TIMMDC1: variants seen among roughly 807,000 people sequenced by gnomAD.
TIMMDC1 encodes the protein translocase of inner mitochondrial membrane domain containing 1, also known as complex I assembly factor TIMMDC1, mitochondrial.
Under a neutral mutation model 32.6 loss-of-function variants are expected in TIMMDC1, and 25 were observed. The observed-to-expected ratio is 0.77, with a 90% CI of 0.56 to 1.07. The LOEUF is 1.07. Among genes scored for constraint, TIMMDC1 ranks in the 50% least tolerant of loss-of-function variants. The pLI, the probability that TIMMDC1 is intolerant of heterozygous loss-of-function variation, is 0.00. For synonymous variants in TIMMDC1, 130 were observed against 127.6 expected, an observed-to-expected ratio of 1.02 and a Z score of -0.13; for missense variants, 329 against 349.2, an observed-to-expected ratio of 0.94 and a Z score of 0.46.
rs1403485562 is a variant in TIMMDC1 at position 119,513,549 on chromosome 3, A to C, written c.518-92A>C. 3.3e-6 allele frequency: 3 copies of C among 921,160 alleles called. No homozygotes were observed. In the East Asian group the frequency reaches 7.7e-5, roughly 24 times the overall value. 57.1% of individuals were successfully genotyped at this position (921,160 alleles called of 1,614,324 possible). A position where few individuals can be genotyped will look rare whatever the true frequency, so the allele number is the denominator to read the frequency against. ...TATTAACATTGGATTCAGAAAGCTC[A>C]CTTAGGGATTTCCTTTTTGTAGAAG... On this transcript the variant is annotated intron_variant, in intron 4 of 6. Transcript: ENST00000494664.
chr3:119,498,978 C>T lies in TIMMDC1; in HGVS notation c.194+51C>T. 3 of 1,574,754 alleles carry T rather than the reference C, an allele frequency of 1.9e-6. 1 individual carries two copies. Among genetic ancestry groups the T allele is most frequent in the Non-Finnish European group, 2.6e-6 (3 of 1,151,856 alleles). Reference sequence around the variant, plus strand: ...GGGTAGGGGGCCGCGAAAGCGGTGTCCTGCAGCGTGGGCAGCCTGGGTCAG... The same window carrying T: ...GGGTAGGGGGCCGCGAAAGCGGTGTTCTGCAGCGTGGGCAGCCTGGGTCAG... On this transcript the variant is annotated intron_variant, in intron 1 of 6. Transcript: ENST00000494664.
chr3:119,517,679 C>T (rs1215672322), intron 6 of TIMMDC1, among the ~76,000 whole-genome samples: 1 of 152,176 alleles, frequency 6.6e-6, no homozygotes, highest in Admixed American at 6.5e-5. Flanking sequence ...TAAAAAGTGA[C>T]ATCCTTAGCC....
rs1271449034 is a variant in TIMMDC1 at position 119,500,748 on chromosome 3, C to T, written c.248C>T (p.Thr83Ile). 5 of 1,614,016 alleles carry T rather than the reference C, an allele frequency of 3.1e-6. No homozygotes were observed. The highest frequency in any genetic ancestry group is 2.7e-5 in the African/African-American group (2 of 74,916). Residue 83 changes from threonine to isoleucine, a missense_variant, in exon 2 of 7, where the codon ACA becomes ATA. Thr to Ile is a moderately conservative substitution (Grantham distance 89). Transcript: ENST00000494664. ...DLANICKTAATAGIIGWVYGG... is the reference protein window; with the variant it reads ...DLANICKTAAIAGIIGWVYGG... ...GCTAATATCTGTAAGACGGCAGCTA[C>T]AGCAGGCATCATTGGCTGGGTGTAT...
intron 2 of TIMMDC1, among the ~76,000 whole-genome samples, chr3:119,502,967 T>C (rs936535228): frequency 3.9e-5 from 6 of 152,244 alleles, no homozygotes; most frequent in Non-Finnish European, 5.9e-5. Context: ...GTTAGTATTA[T>C]GCTCTAAGGA....
At chr3:119,508,085 A>G (rs1294500656) in intron 4 of TIMMDC1, among the ~76,000 whole-genome samples, 2 of 152,186 alleles carry the variant, frequency 1.3e-5, no homozygotes, top group Non-Finnish European at 1.5e-5. Flanking sequence ...TAGTGAGAAT[A>G]ACGGAATGTT....
Position 119,498,698 on chromosome 3 carries a change from G to C in TIMMDC1, c.-36G>C. ...CACGTCCGCGAGGACTTGAAGTCCT[G>C]AGCGCTCAAGTTTGTCCGTAGGTCG... On this transcript the variant is annotated 5_prime_UTR_variant, in exon 1 of 7. Coordinates refer to ENST00000494664, the MANE Select transcript of TIMMDC1 (RefSeq NM_016589.4). 6.2e-7 allele frequency: 1 copy of C among 1,605,058 alleles called. No homozygotes were observed. The highest frequency in any genetic ancestry group is 1.1e-5 in the South Asian group (1 of 90,630).
In TIMMDC1 at chr3:119,500,577, C is replaced by G. The variant is rs1383884891; in HGVS notation, c.195-118C>G. On this transcript the variant is annotated intron_variant, in intron 1 of 6. Coordinates refer to ENST00000494664, the MANE Select transcript of TIMMDC1 (RefSeq NM_016589.4). The stretch of plus-strand genomic sequence containing the variant: ...GAACTGTTTAATTCATCTGAGAATT[C>G]TACCTATGATGAAAAATGTTGTGGT... 5.8e-6 allele frequency: 5 copies of G among 869,514 alleles called. No individual in the cohort carries two copies. In the African/African-American group the frequency reaches 6.9e-5, roughly 12 times the overall value. The allele number at this position is 869,514 out of a possible 1,614,324, so 53.9% of individuals were successfully genotyped here. A position where few individuals can be genotyped will look rare whatever the true frequency, so the allele number is the denominator to read the frequency against.
chr3:119,513,868 TCCATTCTAATTCTACCC>T (rs2081969660), intron 5 of TIMMDC1, 149 bp downstream of exon 5: 2 of 543,126 alleles, frequency 3.7e-6, no homozygotes, highest in Non-Finnish European at 6.5e-6. Context: ...GCTTTGACTG[TCCATTCTAATTCTACCC>T]CAATAGTTTA....
At chr3:119,507,306 T>G (rs2081924580) in intron 4 of TIMMDC1, among the ~76,000 whole-genome samples, 1 of 152,150 alleles carries the variant, frequency 6.6e-6, no homozygotes, top group South Asian at 2.1e-4. Flanking sequence ...TTATTCTGTG[T>G]TTGTTTGTTT....
chr3:119,503,807 T>C (rs1419976938), intron 3 of TIMMDC1, 147 bp from the exon 4 acceptor site: 1 of 791,018 alleles, frequency 1.3e-6, no homozygotes, highest in African/African-American at 1.7e-5. Context: ...CAACCATGTC[T>C]GGAACACATT....
intron 4 of TIMMDC1, among the ~76,000 whole-genome samples, chr3:119,513,342 G>A (rs1367554797): frequency 1.9e-5 from 2 of 106,974 alleles, no homozygotes; most frequent in Non-Finnish European, 4.5e-5. Flanking sequence ...AAAGAGAAGG[G>A]GAAAAACATT....
chr3:119,515,836 T>A (rs757508906), intron 5 of TIMMDC1, among the ~76,000 whole-genome samples: 2 of 152,372 alleles, frequency 1.3e-5, no homozygotes, highest in Non-Finnish European at 2.9e-5. Context: ...AAGCTAGTTC[T>A]GTCAGTTCTT....
At chr3:119,505,576 A>T (rs1285996009) in intron 4 of TIMMDC1, among the ~76,000 whole-genome samples, 1 of 152,204 alleles carries the variant, frequency 6.6e-6, no homozygotes, top group Non-Finnish European at 1.5e-5. Context: ...CATGTTGGTC[A>T]GGCTGGTCTC....
At chr3:119,516,895 T>C (rs1279670275) in intron 5 of TIMMDC1, among the ~76,000 whole-genome samples, 1 of 152,202 alleles carries the variant, frequency 6.6e-6, no homozygotes, top group Non-Finnish European at 1.5e-5. Context: ...TAAATATATA[T>C]ATTTTTCCTC....
intron 4 of TIMMDC1, among the ~76,000 whole-genome samples, chr3:119,510,746 T>C (rs1198643202): frequency 6.6e-6 from 1 of 152,208 alleles, no homozygotes; most frequent in African/African-American, 2.4e-5. Context: ...ACAACAAAAT[T>C]AGTTAACATT....
At chr3:119,517,367 A>C (rs748420754) in intron 6 of TIMMDC1, 52 bp downstream of exon 6, 2 of 1,178,912 alleles carry the variant, frequency 1.7e-6, no homozygotes, top group Admixed American at 3.4e-5. Flanking sequence ...CCCAGGCCTT[A>C]TATAGTGGTG....
chr3:119,505,843 C>G (rs530807799), intron 4 of TIMMDC1, among the ~76,000 whole-genome samples: 1 of 152,342 alleles, frequency 6.6e-6, no homozygotes, highest in South Asian at 2.1e-4. Context: ...CTTCTTGCTA[C>G]TGCATGCACT....
intron 4 of TIMMDC1, among the ~76,000 whole-genome samples, chr3:119,513,339 A>T (rs1303783881): frequency 9.4e-6 from 1 of 106,834 alleles, no homozygotes; most frequent in Non-Finnish European, 2.3e-5. Flanking sequence ...AAGAAAGAGA[A>T]GGGGAAAAAC....
intron 5 of TIMMDC1, among the ~76,000 whole-genome samples, chr3:119,514,159 A>T (rs1332429784): frequency 6.6e-6 from 1 of 152,204 alleles, no homozygotes; most frequent in Non-Finnish European, 1.5e-5. Context: ...ATACATTTTT[A>T]AAAAATGTTC....
Sources: gnomAD v4.1 joint callset for allele counts (sites outside exome capture counted in the v4.1 genomes callset) on GRCh38, gnomAD v4.1.1 for gene constraint, MANE v1.5 for transcripts, NCBI Gene and HGNC (gene_info 2026-07-23, HGNC 2026-07-21) for gene names.